Variants in ACOX3 observed in about 807,000 individuals in gnomAD.
ACOX3 encodes peroxisomal acyl-coenzyme A oxidase 3.
ACOX3 carries 73 observed loss-of-function variants against 81.5 expected under a neutral mutation model. That is an observed-to-expected ratio of 0.90 (90% CI 0.74 to 1.09). The LOEUF (loss-of-function observed/expected upper bound fraction) is 1.09. ACOX3 is among the 50% of genes least tolerant of loss of function. The pLI, the probability that ACOX3 is intolerant of heterozygous loss-of-function variation, is 0.00. For missense variants in ACOX3, 947 were observed against 928.0 expected (o/e 1.02, Z -0.27); for synonymous variants, 387 against 375.1 (o/e 1.03, Z -0.37).
At chr4:8,396,614 T>C (rs1303603110) in intron 9 of ACOX3, among the ~76,000 whole-genome samples, 1 of 149,296 alleles carries the variant, frequency 6.7e-6, no homozygotes, top group Non-Finnish European at 1.5e-5. Context: ...GAGGCGGAGG[T>C]TGCAGTGAGC....
In ACOX3 at chr4:8,416,668, G is replaced by A; in HGVS notation, c.-14-133C>T. The A allele has an allele frequency of 9.7e-7, 1 of 1,025,886 alleles. No homozygotes were observed. The highest frequency in any genetic ancestry group is 2.7e-5 in the East Asian group (1 of 36,374). 63.5% of individuals were successfully genotyped at this position (1,025,886 alleles called of 1,614,324 possible). ...TGAAATCCAAAAGGATGGCAAAAGA[G>A]AATCACTCTGTGAATGGCTAGCATC... On this transcript the variant is annotated intron_variant, in intron 1 of 17. Coordinates refer to ENST00000356406, the MANE Select transcript of ACOX3 (RefSeq NM_003501.3). The surrounding 1 kb of genome is among the most constrained non-coding windows in gnomAD (Gnocchi z 4.2).
At chr4:8,392,264 G>A (rs1719083948) in intron 11 of ACOX3, 69 bp downstream of exon 11, 7 of 1,369,912 alleles carry the variant, frequency 5.1e-6, no homozygotes, top group Non-Finnish European at 6.7e-6. Flanking sequence ...GCAGTCTGCC[G>A]ACCCCTGGTC....
Position 8,414,245 on chromosome 4 carries a change from G to A in ACOX3, c.543+47C>T, listed in dbSNP as rs780149661. 1.1e-5 allele frequency: 17 copies of A among 1,510,114 alleles called. No individual in the cohort carries two copies. Among genetic ancestry groups the A allele is most frequent in the South Asian group, 2.3e-5 (2 of 88,584 alleles). 93.5% of individuals were successfully genotyped at this position (1,510,114 alleles called of 1,614,324 possible). On this transcript the variant is annotated intron_variant, in intron 5 of 17. Transcript: ENST00000356406. The surrounding 1 kb of genome is among the most constrained non-coding windows in gnomAD (Gnocchi z 6.1). ...GGGCAACGGCATTTGCACTCATGAC[G>A]TCTCATATGCTCCAAACTCAGGGAC...
Position 8,414,503 on chromosome 4 carries a change from T to G in ACOX3, c.454-122A>C. On this transcript the variant is annotated intron_variant, in intron 4 of 17. Coordinates refer to ENST00000356406, the MANE Select transcript of ACOX3 (RefSeq NM_003501.3). This position sits in a 1 kb window ranked among gnomAD's most constrained non-coding sequence, Gnocchi z 6.1. ...CACATATCAAAGCCCCAAATTTCCA[T>G]CTACCCAACTAGTGACTTGACTGAG... 1 of 903,344 alleles carries G rather than the reference T, an allele frequency of 1.1e-6. No individual in the cohort carries two copies. The highest frequency in any genetic ancestry group is 1.5e-5 in the South Asian group (1 of 65,838). 56.0% of individuals were successfully genotyped at this position (903,344 alleles called of 1,614,324 possible).
At chr4:8,388,398 C>T (rs1053913560) in intron 13 of ACOX3, among the ~76,000 whole-genome samples, 10 of 152,264 alleles carry the variant, frequency 6.6e-5, no homozygotes, top group African/African-American at 1.4e-4. Context: ...ATAACGAGCA[C>T]GTGCAGAATT....
intron 1 of ACOX3, 53 bp downstream of exon 1, chr4:8,440,595 A>T: frequency 2.0e-6 from 1 of 498,366 alleles, no homozygotes; most frequent in Non-Finnish European, 3.4e-6. Context: ...CTGTAACTAT[A>T]CCACGCCCAG....
At position 8,413,790 on chromosome 4, in the gene ACOX3, A is replaced by G. The variant is rs113512811; in HGVS notation, c.543+502T>C. On this transcript the variant is annotated intron_variant, in intron 5 of 17. Coordinates refer to ENST00000356406, the MANE Select transcript of ACOX3 (RefSeq NM_003501.3). Reference sequence around the variant, plus strand: ...CCAGAACTCCCAGGCAGCAGCCACAATGCAGGTACCAGAGAGGTCAAGAGG... The same window carrying G: ...CCAGAACTCCCAGGCAGCAGCCACAGTGCAGGTACCAGAGAGGTCAAGAGG... Among the ~76,000 whole-genome samples, 548 of 152,388 alleles carry G rather than the reference A, an allele frequency of 3.6e-3. 3 individuals are homozygous for G. Among genetic ancestry groups the G allele is most frequent in the Non-Finnish European group, 6.4e-3 (438 of 68,036 alleles).
chr4:8,397,153 C>G, intron 8 of ACOX3, 34 bp from the exon 9 acceptor site: 2 of 1,503,430 alleles, frequency 1.3e-6, no homozygotes, highest in Non-Finnish European at 1.8e-6. Flanking sequence ...AGCTCAAGCC[C>G]GGCTGCGCGG....
At chr4:8,380,800 T>C (rs3796746) in intron 14 of ACOX3, among the ~76,000 whole-genome samples, 40,613 of 152,002 alleles carry the variant, frequency 0.27, 8,078 homozygotes, top group African/African-American at 0.57. Context: ...CCCACAGCTA[T>C]GGTTAGGGCT....
At chr4:8,415,270 G>A (rs1317185597) in intron 3 of ACOX3, among the ~76,000 whole-genome samples, 1 of 152,218 alleles carries the variant, frequency 6.6e-6, no homozygotes, top group East Asian at 1.9e-4. Flanking sequence ...AGGGAGAGCT[G>A]TAAGGAGAGC....
Position 8,406,121 on chromosome 4 carries a change from C to T in ACOX3, c.688-78G>A. The T allele has an allele frequency of 1.4e-6, 2 of 1,444,924 alleles. No homozygotes were observed. Among genetic ancestry groups the T allele is most frequent in the Non-Finnish European group, 1.9e-6 (2 of 1,030,626 alleles). The allele number at this position is 1,444,924 out of a possible 1,614,324, so 89.5% of individuals were successfully genotyped here. On this transcript the variant is annotated intron_variant, in intron 6 of 17. Coordinates refer to ENST00000356406, the MANE Select transcript of ACOX3 (RefSeq NM_003501.3). The surrounding 1 kb of genome is among the most constrained non-coding windows in gnomAD (Gnocchi z 5.6). ...ATCAAAACAAATGTGTTCAGAAACC[C>T]ACAGGGTGGGCCATGGGCTCAACGC...
At chr4:8,411,477 C>T (rs1343715788) in intron 5 of ACOX3, among the ~76,000 whole-genome samples, 1 of 152,210 alleles carries the variant, frequency 6.6e-6, no homozygotes, top group East Asian at 1.9e-4. Context: ...CTCAGGGGAC[C>T]ACCAGCTCTT....
At position 8,405,671 on chromosome 4, in the gene ACOX3, C is replaced by T. The variant is rs1197969061; in HGVS notation, c.776+284G>A. 1.3e-5 allele frequency among the ~76,000 whole-genome samples: 2 copies of T among 152,190 alleles called. No homozygotes were observed. Among genetic ancestry groups the T allele is most frequent in the Non-Finnish European group, 2.9e-5 (2 of 68,034 alleles). On this transcript the variant is annotated intron_variant, in intron 7 of 17. Coordinates refer to ENST00000356406, the MANE Select transcript of ACOX3 (RefSeq NM_003501.3). This position sits in a 1 kb window ranked among gnomAD's most constrained non-coding sequence, Gnocchi z 7.1. ...AGGAGGCAGCCCCCCAGGCAGGGGC[C>T]CCACCAGTTGTACACAGAGGTCTGG... is the stretch of plus-strand genomic sequence containing the variant.
Position 8,430,961 on chromosome 4 carries a change from C to A in ACOX3, c.-15+9687G>T, listed in dbSNP as rs548060197. 1.3e-5 allele frequency among the ~76,000 whole-genome samples: 2 copies of A among 152,180 alleles called. No homozygotes were observed. The highest frequency in any genetic ancestry group is 2.9e-5 in the Non-Finnish European group (2 of 67,990). ...TTCTAGGTAGACATTGGAAGGCAGG[C>A]TAAAGGGGAAGAGCTCAGGGCATCT... On this transcript the variant is annotated intron_variant, in intron 1 of 17. Transcript: ENST00000356406. The surrounding 1 kb of genome is among the most constrained non-coding windows in gnomAD (Gnocchi z 5.2).
chr4:8,373,074 AAAG>A (rs1171969385), intron 16 of ACOX3, among the ~76,000 whole-genome samples: 1 of 152,146 alleles, frequency 6.6e-6, no homozygotes, highest in East Asian at 1.9e-4. Flanking sequence ...GACATAGGTA[AAAG>A]AATATAATAA....
chr4:8,373,841 G>T, intron 15 of ACOX3: 1 of 599,208 alleles, frequency 1.7e-6, no homozygotes. Context: ...CTCAGGCATT[G>T]ATGGTCTCTG....
chr4:8,377,369 C>T (rs574493234), intron 14 of ACOX3, among the ~76,000 whole-genome samples: 29 of 152,294 alleles, frequency 1.9e-4, no homozygotes, highest in Non-Finnish European at 3.5e-4. Flanking sequence ...AGACATGCTG[C>T]GGGGGCCAGA....
In ACOX3 at chr4:8,398,778, C is replaced by T. The variant is rs138926803; in HGVS notation, c.873+778G>A. Among the ~76,000 whole-genome samples the T allele has an allele frequency of 1.1e-4, 17 of 152,322 alleles. No individual in the cohort carries two copies. In the East Asian group the frequency reaches 2.9e-3, roughly 26 times the overall value. ...GGCGTGAGCCACTGCACCCAGCCTT[C>T]ATTTTCTTTAATCCTCTCCTTCTGC... On this transcript the variant is annotated intron_variant, in intron 8 of 17. Coordinates refer to ENST00000356406, the MANE Select transcript of ACOX3 (RefSeq NM_003501.3).
intron 14 of ACOX3, among the ~76,000 whole-genome samples, chr4:8,380,736 G>A (rs1156624423): frequency 6.6e-6 from 1 of 152,230 alleles, no homozygotes; most frequent in East Asian, 1.9e-4. Context: ...AGGGGTGACA[G>A]CAGCTCTCTC....
Sources: gnomAD v4.1 joint callset for allele counts (sites outside exome capture counted in the v4.1 genomes callset) on GRCh38, gnomAD v4.1.1 for gene constraint, Gnocchi (gnomAD v3.1) non-coding constraint, MANE v1.5 for transcripts, NCBI Gene and HGNC (gene_info 2026-07-23, HGNC 2026-07-21) for gene names.